ARHGAP42: variants seen among roughly 807,000 people sequenced by gnomAD.
The protein encoded by ARHGAP42 is rho GTPase-activating protein 42.
Under a neutral mutation model 125.0 loss-of-function variants are expected in ARHGAP42, and 63 were observed. That is an observed-to-expected ratio of 0.50 (90% CI 0.41 to 0.62). ARHGAP42 has a LOEUF of 0.62. Among genes scored for constraint, ARHGAP42 ranks in the 20% least tolerant of loss-of-function variants. ARHGAP42 has a pLI of 0.00. For missense variants in ARHGAP42, 766 were observed against 1,024.2 expected, an observed-to-expected ratio of 0.75 and a Z score of 3.44; for synonymous variants, 339 against 351.0, an observed-to-expected ratio of 0.97 and a Z score of 0.38.
chr11:100,744,917 C>T (rs948089814), intron 1 of ARHGAP42, among the ~76,000 whole-genome samples: 9 of 152,180 alleles, frequency 5.9e-5, no homozygotes, highest in Non-Finnish European at 8.8e-5. Context: ...GGACAAGGGA[C>T]AGGGGAGTTC....
At chr11:100,856,352 T>C (rs951457765) in intron 3 of ARHGAP42, among the ~76,000 whole-genome samples, 1 of 152,062 alleles carries the variant, frequency 6.6e-6, no homozygotes, top group Non-Finnish European at 1.5e-5. Context: ...CTTCTTGACT[T>C]CACACTTGGA....
rs776906582 is a variant in ARHGAP42 at position 100,992,410 on chromosome 11, G to C, written c.*3609G>C. The C allele has an allele frequency of 6.2e-7, 1 of 1,614,060 alleles. No homozygotes were observed. Among genetic ancestry groups the C allele is most frequent in the South Asian group, 1.1e-5 (1 of 91,082 alleles). ...ATTGTCCAGAAGTTACTTTCCCCTTGACTAAAGGTTTCCCCTTAGGGTACA... is the reference window on the plus strand; with the variant it reads ...ATTGTCCAGAAGTTACTTTCCCCTTCACTAAAGGTTTCCCCTTAGGGTACA... On this transcript the variant is annotated 3_prime_UTR_variant, in exon 24 of 24. Transcript: ENST00000298815.
At chr11:100,772,297 G>C (rs1033400407) in intron 2 of ARHGAP42, among the ~76,000 whole-genome samples, 10 of 152,170 alleles carry the variant, frequency 6.6e-5, no homozygotes, top group African/African-American at 2.4e-4. Context: ...AGAAATCTCT[G>C]GGCAGGGTAC....
At chr11:100,924,786 C>T (rs28492796) in intron 6 of ARHGAP42, among the ~76,000 whole-genome samples, 7,048 of 152,000 alleles carry the variant, frequency 0.046, 321 homozygotes, top group East Asian at 0.25. Context: ...AAATAAGCTA[C>T]GTGTTATTGT....
At chr11:100,814,231 C>T in intron 3 of ARHGAP42, among the ~76,000 whole-genome samples, 1 of 151,422 alleles carries the variant, frequency 6.6e-6, no homozygotes, top group Non-Finnish European at 1.5e-5. Flanking sequence ...GTGGCGTGCA[C>T]CTGTAGTCCC....
At chr11:100,777,765 A>C (rs984925184) in intron 2 of ARHGAP42, among the ~76,000 whole-genome samples, 1 of 152,176 alleles carries the variant, frequency 6.6e-6, no homozygotes, top group African/African-American at 2.4e-5. Flanking sequence ...TTTTGACTTA[A>C]ACAAATTCAA....
chr11:100,733,825 G>GAAAA (rs551074447), intron 1 of ARHGAP42, among the ~76,000 whole-genome samples: 18 of 31,388 alleles, frequency 5.7e-4, no homozygotes, highest in East Asian at 2.1e-3. Flanking sequence ...ATTCTGTCTG[G>GAAAA]AAAAAAAAAA....
At chr11:100,900,181 G>A (rs1591279696) in intron 4 of ARHGAP42, among the ~76,000 whole-genome samples, 1 of 152,042 alleles carries the variant, frequency 6.6e-6, no homozygotes, top group Admixed American at 6.6e-5. Context: ...AGTTTGGCTG[G>A]ATATGAAATT....
At chr11:100,868,756 G>C (rs1865634181) in intron 4 of ARHGAP42, among the ~76,000 whole-genome samples, 1 of 152,050 alleles carries the variant, frequency 6.6e-6, no homozygotes, top group African/African-American at 2.4e-5. Context: ...GGCACTTACT[G>C]CAAGTATAAA....
chr11:100,796,637 CA>C (rs1863723079), intron 3 of ARHGAP42, among the ~76,000 whole-genome samples: 1 of 151,924 alleles, frequency 6.6e-6, no homozygotes, highest in Admixed American at 6.6e-5. Flanking sequence ...ATTAAACCCA[CA>C]AATGATAAGA....
chr11:100,697,953 C>T (rs1861315434), intron 1 of ARHGAP42, among the ~76,000 whole-genome samples: 1 of 152,222 alleles, frequency 6.6e-6, no homozygotes, highest in African/African-American at 2.4e-5. Context: ...ATTAGACTTT[C>T]TCTTCCTTCT....
chr11:100,899,491 G>A (rs1403061544), intron 4 of ARHGAP42, among the ~76,000 whole-genome samples: 1 of 152,062 alleles, frequency 6.6e-6, no homozygotes, highest in African/African-American at 2.4e-5. Flanking sequence ...CTCTTTGTAG[G>A]TCTTTAAGGA....
chr11:100,973,061 A>G (rs1412230162), intron 17 of ARHGAP42, 114 bp from the exon 18 acceptor site: 5 of 953,928 alleles, frequency 5.2e-6, no homozygotes, highest in African/African-American at 5.0e-5. Flanking sequence ...AAGTAGGACA[A>G]TTTCCCTATA....
intron 17 of ARHGAP42, among the ~76,000 whole-genome samples, chr11:100,969,330 T>C (rs1003601581): frequency 1.3e-5 from 2 of 152,182 alleles, no homozygotes; most frequent in African/African-American, 4.8e-5. Flanking sequence ...TGTGTCTTGC[T>C]GTGGATATCT....
intron 2 of ARHGAP42, among the ~76,000 whole-genome samples, chr11:100,786,900 G>A (rs1481375116): frequency 6.6e-6 from 1 of 152,106 alleles, no homozygotes; most frequent in Admixed American, 6.6e-5. Flanking sequence ...CCTGTGTCAA[G>A]AAAGGTGATT....
Position 100,849,339 on chromosome 11 carries a change from A to G in ARHGAP42, c.313-10215A>G, listed in dbSNP as rs559865435. On this transcript the variant is annotated intron_variant, in intron 3 of 23. Transcript: ENST00000298815. ...AGTGTGGAAAACTGGCCCATAGTTT[A>G]TGACCAGATCTGGATTTGGAAAAGA... Among the ~76,000 whole-genome samples the G allele has an allele frequency of 5.9e-5, 9 of 152,332 alleles. No individual in the cohort carries two copies. In the South Asian group the frequency reaches 1.9e-3, roughly 32 times the overall value.
chr11:100,896,123 C>G (rs1048230175), intron 4 of ARHGAP42, among the ~76,000 whole-genome samples: 9 of 152,018 alleles, frequency 5.9e-5, no homozygotes, highest in African/African-American at 2.2e-4. Flanking sequence ...ATAGTTTGCT[C>G]AGAATGATGG....
intron 3 of ARHGAP42, among the ~76,000 whole-genome samples, chr11:100,822,834 C>T (rs1002783810): frequency 1.3e-5 from 2 of 152,040 alleles, no homozygotes; most frequent in African/African-American, 4.8e-5. Context: ...AATTTAGTGG[C>T]AACAGGAACT....
At chr11:100,754,946 A>G (rs1264637767) in intron 1 of ARHGAP42, among the ~76,000 whole-genome samples, 1 of 152,192 alleles carries the variant, frequency 6.6e-6, no homozygotes, top group Non-Finnish European at 1.5e-5. Flanking sequence ...GAAGACCACT[A>G]TTGGAGGACT....
Sources: gnomAD v4.1 joint callset for allele counts (sites outside exome capture counted in the v4.1 genomes callset) on GRCh38, gnomAD v4.1.1 for gene constraint, MANE v1.5 for transcripts, NCBI Gene and HGNC (gene_info 2026-07-23, HGNC 2026-07-21) for gene names.